MAOB: variants seen among roughly 807,000 people sequenced by gnomAD.
MAOB encodes amine oxidase [flavin-containing] B.
A neutral mutation model predicts 41.9 loss-of-function variants in MAOB; 15 were observed. That is an observed-to-expected ratio of 0.36 (90% CI 0.24 to 0.55). The LOEUF (loss-of-function observed/expected upper bound fraction) is 0.55. Among genes scored for constraint, MAOB ranks in the 20% least tolerant of loss-of-function variants. MAOB has a pLI of 0.86. For synonymous variants in MAOB, 167 were observed against 144.2 expected (o/e 1.16, Z -1.13); for missense variants, 345 against 398.7 (o/e 0.87, Z 1.15).
At chrX:43,846,220 G>C (rs982130356) in intron 1 of MAOB, among the ~76,000 whole-genome samples, 1 of 112,223 alleles carries the variant, frequency 8.9e-6, no homozygotes, top group African/African-American at 3.2e-5. Flanking sequence ...AGCATGCTGA[G>C]GCTTAAACAA....
At chrX:43,835,751 T>C (rs1189446712) in intron 3 of MAOB, among the ~76,000 whole-genome samples, 2 of 111,101 alleles carry the variant, frequency 1.8e-5, no homozygotes, top group Non-Finnish European at 3.8e-5. Flanking sequence ...ATATTGGGAG[T>C]CATCCTCTCT....
In MAOB at chrX:43,780,338, T is replaced by C; in HGVS notation, c.1079+4A>G. On this transcript the variant is annotated splice_donor_region_variant and intron_variant, in intron 10 of 14. Coordinates refer to ENST00000378069, the MANE Select transcript of MAOB (RefSeq NM_000898.5). Reference sequence around the variant, plus strand: ...AACGAAAGAAGCAGCATTTCTTTTGTTACCTTTCCTCTTTGGTAAGACGTG... The same window carrying C: ...AACGAAAGAAGCAGCATTTCTTTTGCTACCTTTCCTCTTTGGTAAGACGTG... 8.3e-7 allele frequency: 1 copy of C among 1,199,518 alleles called. No individual in the cohort carries two copies. The highest frequency in any genetic ancestry group is 2.2e-5 in the Admixed American group (1 of 45,825).
intron 1 of MAOB, among the ~76,000 whole-genome samples, chrX:43,878,448 A>T (rs1035432264): frequency 1.6e-3 from 165 of 103,173 alleles, no homozygotes; most frequent in African/African-American, 5.5e-3. Flanking sequence ...GTGTGTGTGG[A>T]GACCATGTCT....
intron 3 of MAOB, among the ~76,000 whole-genome samples, chrX:43,826,907 G>T (rs192723478): frequency 1.3e-4 from 14 of 111,914 alleles, no homozygotes; most frequent in Admixed American, 3.8e-4. Context: ...AAATTTTGGG[G>T]ACATATTCCA....
At chrX:43,829,199 T>C (rs947126117) in intron 3 of MAOB, among the ~76,000 whole-genome samples, 2 of 112,434 alleles carry the variant, frequency 1.8e-5, no homozygotes, top group African/African-American at 6.5e-5. Flanking sequence ...GAATTTTGCA[T>C]GAAGCATGTG....
chrX:43,790,500 T>C (rs139831003), intron 8 of MAOB, among the ~76,000 whole-genome samples: 1,121 of 112,052 alleles, frequency 0.01, 28 homozygotes, highest in Admixed American at 0.067. Context: ...TGGCATACAA[T>C]AGGCGCCCAG....
At chrX:43,879,126 T>C (rs968988615) in intron 1 of MAOB, among the ~76,000 whole-genome samples, 5 of 111,931 alleles carry the variant, frequency 4.5e-5, no homozygotes, top group Admixed American at 9.5e-5. Flanking sequence ...GAGATGTCAT[T>C]GCTCTGCCAA....
intron 1 of MAOB, among the ~76,000 whole-genome samples, chrX:43,852,516 G>A (rs1183217011): frequency 9.0e-6 from 1 of 111,654 alleles, no homozygotes; most frequent in Non-Finnish European, 1.9e-5. Context: ...AGCAAATATA[G>A]CAAAAACATT....
intron 3 of MAOB, among the ~76,000 whole-genome samples, chrX:43,805,939 T>C (rs917646597): frequency 8.9e-6 from 1 of 112,662 alleles, no homozygotes; most frequent in Non-Finnish European, 1.9e-5. Context: ...ACTTTTCTTT[T>C]ATGCTTTATG....
intron 3 of MAOB, among the ~76,000 whole-genome samples, chrX:43,808,902 A>G (rs1289132024): frequency 9.1e-6 from 1 of 110,122 alleles, no homozygotes; most frequent in Non-Finnish European, 1.9e-5. Context: ...ACGTGGTTTC[A>G]CCATGTTGGC....
chrX:43,768,390 AGTCTCCGAGAAAT>A (rs368520258), intron 14 of MAOB, among the ~76,000 whole-genome samples: 300 of 111,466 alleles, frequency 2.7e-3, no homozygotes, highest in African/African-American at 9.2e-3. Flanking sequence ...TATTTTTAGA[AGTCTCCGAGAAAT>A]GTCTCCCTCC....
At chrX:43,791,240 G>T (rs1006378854) in intron 8 of MAOB, among the ~76,000 whole-genome samples, 3 of 111,473 alleles carry the variant, frequency 2.7e-5, no homozygotes, top group Admixed American at 9.5e-5. Flanking sequence ...TAGTTACACA[G>T]GAAGAAGCAC....
chrX:43,843,379 A>T (rs1027787827), intron 2 of MAOB, among the ~76,000 whole-genome samples: 11 of 106,112 alleles, frequency 1.0e-4, no homozygotes, highest in African/African-American at 3.5e-4. Context: ...ACACACACAC[A>T]CACACACACA....
At position 43,838,972 on chromosome X, in the gene MAOB, A is replaced by C. The variant is rs201981141; in HGVS notation, c.175T>G (p.Ser59Ala). The change falls in exon 3 of 15, where the codon TCC becomes GCC. Residue 59 changes from serine to alanine, a missense_variant. By Grantham distance (99) the Ser-to-Ala change is moderately conservative. Transcript: ENST00000378069. Reference sequence around the variant, plus strand: ...CGATTCTGGGTTGGTCCAACATAGGATCCTCCAAGGTCCACATATTTAACC... The same window carrying C: ...CGATTCTGGGTTGGTCCAACATAGGCTCCTCCAAGGTCCACATATTTAACC... ...QKVKYVDLGG[S>A]YVGPTQNRIL... 5.9e-5 allele frequency: 71 copies of C among 1,199,097 alleles called. No homozygotes were observed. The highest frequency in any genetic ancestry group is 7.6e-5 in the Non-Finnish European group (68 of 889,609).
At chrX:43,878,141 C>A (rs2035452040) in intron 1 of MAOB, among the ~76,000 whole-genome samples, 1 of 111,621 alleles carries the variant, frequency 9.0e-6, no homozygotes, top group Admixed American at 9.5e-5. Context: ...AAAGATGAGG[C>A]AGCTGAAATA....
rs150408917 is a variant in MAOB at position 43,777,618 on chromosome X, A to G, written c.1137+1064T>C. On this transcript the variant is annotated intron_variant, in intron 11 of 14. Coordinates refer to ENST00000378069, the MANE Select transcript of MAOB (RefSeq NM_000898.5). ...CAACTTAACCAGGAGGAAGCAAGTC[A>G]CTCCAAAGCTGAGCAAAGTAAGTGT... Among the ~76,000 whole-genome samples the G allele has an allele frequency of 8.1e-5, 9 of 111,618 alleles. No individual in the cohort carries two copies. The East Asian group carries it at 2.6e-3, about 32-fold the overall frequency.
chrX:43,852,081 C>A (rs1365819384), intron 1 of MAOB, among the ~76,000 whole-genome samples: 1 of 112,041 alleles, frequency 8.9e-6, no homozygotes, highest in East Asian at 2.8e-4. Flanking sequence ...CTCCTGGCTG[C>A]ATAACCTCAG....
chrX:43,808,404 A>G (rs947542439), intron 3 of MAOB, among the ~76,000 whole-genome samples: 1 of 111,490 alleles, frequency 9.0e-6, no homozygotes, highest in African/African-American at 3.3e-5. Context: ...GAAGAATGTG[A>G]GCCCAGCAGA....
chrX:43,773,851 C>A (rs113493223), intron 12 of MAOB, among the ~76,000 whole-genome samples: 1,289 of 111,907 alleles, frequency 0.012, 30 homozygotes, highest in African/African-American at 0.04. Context: ...ACTGTAAGTC[C>A]AATAAACCTC....
Sources: gnomAD v4.1 joint callset for allele counts (sites outside exome capture counted in the v4.1 genomes callset) on GRCh38, gnomAD v4.1.1 for gene constraint, MANE v1.5 for transcripts, NCBI Gene and HGNC (gene_info 2026-07-23, HGNC 2026-07-21) for gene names.